Variants in AFF3 observed in about 807,000 individuals in gnomAD.
The protein encoded by AFF3 is ALF transcription elongation factor 3.
In AFF3, 32 loss-of-function variants were observed where a neutral mutation model predicts 129.7. That is an observed-to-expected ratio of 0.25 (90% CI 0.19 to 0.33). AFF3 has a LOEUF of 0.33. Among genes scored for constraint, AFF3 ranks in the 10% least tolerant of loss-of-function variants. AFF3 has a pLI of 1.00. For missense variants in AFF3, 1,373 were observed against 1,592.0 expected (o/e 0.86, Z 2.34); for synonymous variants, 644 against 635.4 (o/e 1.01, Z -0.20).
At chr2:99,981,349 T>TAG in intron 7 of AFF3, among the ~76,000 whole-genome samples, 1 of 152,294 alleles carries the variant, frequency 6.6e-6, no homozygotes, top group Non-Finnish European at 1.5e-5. Flanking sequence ...CATTAGGGCA[T>TAG]AGAGATTTTT....
chr2:99,623,938 C>G (rs1409486083), intron 13 of AFF3, among the ~76,000 whole-genome samples: 2 of 152,202 alleles, frequency 1.3e-5, no homozygotes, highest in Non-Finnish European at 2.9e-5. Flanking sequence ...CATTGGACTT[C>G]ACTTAAAAAA....
intron 2 of AFF3, among the ~76,000 whole-genome samples, chr2:100,125,959 A>G (rs1282630193): frequency 6.6e-6 from 1 of 152,242 alleles, no homozygotes; most frequent in African/African-American, 2.4e-5. Flanking sequence ...ACTTGGGACC[A>G]GGGTGCCATG....
At chr2:99,807,038 T>G (rs1345542127) in intron 8 of AFF3, among the ~76,000 whole-genome samples, 2 of 152,196 alleles carry the variant, frequency 1.3e-5, no homozygotes, top group African/African-American at 4.8e-5. Flanking sequence ...CGTCTCAGCC[T>G]AACCCCCCAC....
intron 4 of AFF3, among the ~76,000 whole-genome samples, chr2:100,078,424 G>C (rs1057467744): frequency 3.5e-4 from 54 of 152,252 alleles, no homozygotes; most frequent in Non-Finnish European, 5.9e-4. Context: ...AGTTGGAAGT[G>C]ACCTTTGTGA....
chr2:100,134,640 G>A (rs758208097), intron 1 of AFF3, among the ~76,000 whole-genome samples: 1 of 152,016 alleles, frequency 6.6e-6, no homozygotes. Flanking sequence ...CTCACATGAC[G>A]ATCCTTTTAG....
At chr2:99,857,877 C>T (rs1690645535) in intron 7 of AFF3, among the ~76,000 whole-genome samples, 1 of 152,150 alleles carries the variant, frequency 6.6e-6, no homozygotes, top group Non-Finnish European at 1.5e-5. Context: ...TTTCCCCTGA[C>T]ATAAACTAAA....
At chr2:99,738,109 G>C (rs190683398) in intron 10 of AFF3, among the ~76,000 whole-genome samples, 97 of 152,190 alleles carry the variant, frequency 6.4e-4, no homozygotes, top group Admixed American at 5.3e-3. Flanking sequence ...TTCTGAATTA[G>C]GAGTCTGATT....
intron 11 of AFF3, among the ~76,000 whole-genome samples, chr2:99,704,474 A>G (rs959540819): frequency 3.3e-5 from 5 of 152,062 alleles, no homozygotes; most frequent in Non-Finnish European, 7.4e-5. Flanking sequence ...AATGGCCAAC[A>G]CCAGGTGGCA....
intron 7 of AFF3, among the ~76,000 whole-genome samples, chr2:99,945,791 A>T (rs1273798742): frequency 6.6e-6 from 1 of 152,204 alleles, no homozygotes; most frequent in Non-Finnish European, 1.5e-5. Context: ...CCCTGAAAGT[A>T]AGCCATGCTT....
intron 7 of AFF3, among the ~76,000 whole-genome samples, chr2:99,916,729 T>G (rs1046352278): frequency 5.3e-5 from 8 of 151,988 alleles, no homozygotes; most frequent in Non-Finnish European, 1.2e-4. Flanking sequence ...ACGCATATCA[T>G]GGTAACACTC....
At chr2:100,022,898 G>C (rs1300381456) in intron 4 of AFF3, among the ~76,000 whole-genome samples, 1 of 152,178 alleles carries the variant, frequency 6.6e-6, no homozygotes. Context: ...AGGTGGGGTT[G>C]GGCATTTAGT....
At chr2:99,872,649 T>TAAAATAAAATAAAATAAAATAAAA (rs1558934487) in intron 7 of AFF3, among the ~76,000 whole-genome samples, 1 of 151,646 alleles carries the variant, frequency 6.6e-6, no homozygotes, top group African/African-American at 2.4e-5. Context: ...TAAAATAAAA[T>TAAAATAAAATAAAATAAAATAAAA]TTATCGGTCT....
At chr2:99,982,428 C>T (rs1388431849) in intron 7 of AFF3, among the ~76,000 whole-genome samples, 4 of 152,168 alleles carry the variant, frequency 2.6e-5, no homozygotes, top group African/African-American at 7.2e-5. Context: ...CCCAGCCATG[C>T]GGACCTGTAA....
chr2:99,664,032 C>T (rs994546365), intron 12 of AFF3, among the ~76,000 whole-genome samples: 2 of 152,184 alleles, frequency 1.3e-5, no homozygotes. Flanking sequence ...TTAATCAGTC[C>T]CTTCCTAATC....
At chr2:99,995,030 T>C (rs1680709533) in intron 7 of AFF3, among the ~76,000 whole-genome samples, 1 of 152,058 alleles carries the variant, frequency 6.6e-6, no homozygotes, top group African/African-American at 2.4e-5. Context: ...AAATAAATAA[T>C]AATGTATGGT....
intron 2 of AFF3, among the ~76,000 whole-genome samples, chr2:100,107,899 G>C (rs1267608258): frequency 6.6e-6 from 1 of 152,110 alleles, no homozygotes; most frequent in African/African-American, 2.4e-5. Flanking sequence ...TCCTGAAGAC[G>C]CAGCTGCAAC....
At chr2:99,911,083 T>C (rs932126899) in intron 7 of AFF3, among the ~76,000 whole-genome samples, 1 of 152,250 alleles carries the variant, frequency 6.6e-6, no homozygotes, top group Non-Finnish European at 1.5e-5. Context: ...AATAACCCAG[T>C]GCAGTGTCTG....
In AFF3 at chr2:100,007,234, G is replaced by A; in HGVS notation, c.401C>T (p.Ala134Val). Residue 134 changes from alanine to valine, a missense_variant, in exon 6 of 25, where the codon GCA (alanine) becomes GTA (valine). Physicochemically the swap from Ala to Val is moderately conservative, Grantham distance 64. Transcript: ENST00000672756. ...CTTACTCTGCTGCACGGGGACAGCTGCTGGTGTGGAAGTTGTAGTGCTACA... is the reference window on the plus strand; with the variant it reads ...CTTACTCTGCTGCACGGGGACAGCTACTGGTGTGGAAGTTGTAGTGCTACA... ...SICSTTTSTP[A>V]AVPVQQSKRG... is the part of the protein sequence containing the mutation. 5 of 1,614,154 alleles carry A rather than the reference G, an allele frequency of 3.1e-6. No individual in the cohort carries two copies. Among genetic ancestry groups the A allele is most frequent in the Non-Finnish European group, 4.2e-6 (5 of 1,180,038 alleles).
intron 2 of AFF3, among the ~76,000 whole-genome samples, chr2:100,122,536 G>T (rs933907942): frequency 5.9e-5 from 9 of 152,186 alleles, no homozygotes; most frequent in African/African-American, 2.2e-4. Context: ...GGCAGAGAGT[G>T]AAGACTATAA....
Sources: allele counts gnomAD v4.1 joint callset (sites outside exome capture counted in the v4.1 genomes callset), GRCh38; gene constraint gnomAD v4.1.1; transcripts MANE v1.5; gene names NCBI Gene and HGNC (gene_info 2026-07-23, HGNC 2026-07-21).